GPR135: variants seen among roughly 807,000 people sequenced by gnomAD.
GPR135 encodes G-protein coupled receptor 135.
GPR135 carries 17 observed loss-of-function variants against 15.0 expected under a neutral mutation model. That is an observed-to-expected ratio of 1.13 (90% CI 0.78 to 1.70). The LOEUF is 1.70. GPR135 is among the 40% of genes most tolerant of loss of function. GPR135 has a pLI of 0.00. For missense variants in GPR135, 776 were observed against 727.0 expected (o/e 1.07, Z -0.78); for synonymous variants, 368 against 349.4 (o/e 1.05, Z -0.59).
At position 59,463,420 on chromosome 14, in the gene GPR135, GT is replaced by G. The variant is rs1166996170; in HGVS notation, c.*321del. On this transcript the variant is annotated 3_prime_UTR_variant, in exon 1 of 1. Coordinates refer to ENST00000395116, the MANE Select transcript of GPR135 (RefSeq NM_022571.6). ...TTGAACAATACTGGTTGCATTCAATGTTTTGTTTGTTTCACAGTGTGGTCCT... is the reference window on the plus strand; with the variant it reads ...TTGAACAATACTGGTTGCATTCAATGTTTGTTTGTTTCACAGTGTGGTCCT... 3.4e-6 allele frequency: 1 copy of G among 298,258 alleles called. No individual in the cohort carries two copies. Among genetic ancestry groups the G allele is most frequent in the East Asian group, 6.6e-5 (1 of 15,076 alleles). 18.5% of individuals were successfully genotyped at this position (298,258 alleles called of 1,614,324 possible).
At chr14:59,453,874 A>G (rs922344604) in intron 6 of GPR135, among the ~76,000 whole-genome samples, 1 of 152,240 alleles carries the variant, frequency 6.6e-6, no homozygotes, top group African/African-American at 2.4e-5. Context: ...TTTAAAATGT[A>G]AGATGGGGAA....
Position 59,462,392 on chromosome 14 carries a change from C to A in GPR135, c.*1350G>T, listed in dbSNP as rs1888895651. 1 of 152,202 alleles carries A rather than the reference C, an allele frequency of 6.6e-6. No individual in the cohort carries two copies. Among genetic ancestry groups the A allele is most frequent in the African/African-American group, 2.4e-5 (1 of 41,452 alleles). The allele number at this position is 152,202 out of a possible 1,614,324, so 9.4% of individuals were successfully genotyped here. A position where few individuals can be genotyped will look rare whatever the true frequency, so the allele number is the denominator to read the frequency against. ...CGCTTTTGAATTATTGTAAAACCAT[C>A]TTTTCTGCTAAGATAGAAATTTAAA... On this transcript the variant is annotated 3_prime_UTR_variant, in exon 1 of 1. Coordinates refer to ENST00000395116, the MANE Select transcript of GPR135 (RefSeq NM_022571.6).
chr14:59,465,337 T>A lies in GPR135; in HGVS notation c.-111A>T, dbSNP rs1282256824. On this transcript the variant is annotated 5_prime_UTR_variant, in exon 1 of 1. Coordinates refer to ENST00000395116, the MANE Select transcript of GPR135 (RefSeq NM_022571.6). Reference sequence around the variant, plus strand: ...TAGCGGCCGCCGCGGGGAGCTGGGCTCGGCCGGAGGGGTGGCGGTCGCTGG... The same window carrying A: ...TAGCGGCCGCCGCGGGGAGCTGGGCACGGCCGGAGGGGTGGCGGTCGCTGG... 1 of 819,834 alleles carries A rather than the reference T, an allele frequency of 1.2e-6. No individual in the cohort carries two copies. Among genetic ancestry groups the A allele is most frequent in the Non-Finnish European group, 1.6e-6 (1 of 617,900 alleles). 50.8% of individuals were successfully genotyped at this position (819,834 alleles called of 1,614,324 possible). A position where few individuals can be genotyped will look rare whatever the true frequency, so the allele number is the denominator to read the frequency against.
At position 59,462,099 on chromosome 14, in the gene GPR135, G is replaced by A. The variant is rs942439147; in HGVS notation, c.*1643C>T. 6.6e-6 allele frequency: 1 copy of A among 152,020 alleles called. No individual in the cohort carries two copies. Among genetic ancestry groups the A allele is most frequent in the Non-Finnish European group, 1.5e-5 (1 of 67,994 alleles). 9.4% of individuals were successfully genotyped at this position (152,020 alleles called of 1,614,324 possible). ...TTTCCACCTTTGATTACAAAATAAT[G>A]ACATGTACCCACCTGTCAAACAAAG... On this transcript the variant is annotated 3_prime_UTR_variant, in exon 1 of 1. Coordinates refer to ENST00000395116, the MANE Select transcript of GPR135 (RefSeq NM_022571.6).
chr14:59,465,074 C>A lies in GPR135; in HGVS notation c.153G>T (p.Ala51=), dbSNP rs1374566483. Residue 51 remains alanine, a synonymous_variant, in exon 1 of 1, where the codon GCG becomes GCT. Coordinates refer to ENST00000395116, the MANE Select transcript of GPR135 (RefSeq NM_022571.6). ...CGCTTGCGTCGCTCAGGTTCCCCAG[C>A]GCCGCGGTCGCCACGGTGCTGAAGG... The part of the protein sequence containing the change: ...VLSFSTVATA[A]LGNLSDASGG... 1.5e-5 allele frequency: 20 copies of A among 1,373,716 alleles called. No individual in the cohort carries two copies. The East Asian group carries it at 5.0e-4, about 34-fold the overall frequency. 85.1% of individuals were successfully genotyped at this position (1,373,716 alleles called of 1,614,324 possible). A position where few individuals can be genotyped will look rare whatever the true frequency, so the allele number is the denominator to read the frequency against.
In GPR135 at chr14:59,462,495, T is replaced by C. The variant is rs1888902572; in HGVS notation, c.*1247A>G. 6.6e-6 allele frequency: 1 copy of C among 152,242 alleles called. No individual in the cohort carries two copies. Among genetic ancestry groups the C allele is most frequent in the African/African-American group, 2.4e-5 (1 of 41,476 alleles). The allele number at this position is 152,242 out of a possible 1,614,324, so 9.4% of individuals were successfully genotyped here. A position where few individuals can be genotyped will look rare whatever the true frequency, so the allele number is the denominator to read the frequency against. ...CTTCTCCAACTTTATGCCTGTGTTT[T>C]AATACCGTTACATATAGTCCCACAC... On this transcript the variant is annotated 3_prime_UTR_variant, in exon 1 of 1. Coordinates refer to ENST00000395116, the MANE Select transcript of GPR135 (RefSeq NM_022571.6).
rs772656205 is a variant in GPR135 at position 59,464,518 on chromosome 14, C to G, written c.709G>C (p.Ala237Pro). 1 of 1,538,036 alleles carries G rather than the reference C, an allele frequency of 6.5e-7. No individual in the cohort carries two copies. The highest frequency in any genetic ancestry group is 1.4e-5 in the African/African-American group (1 of 72,252). The change falls in exon 1 of 1, where the codon GCC (alanine) becomes CCC (proline). Residue 237 changes from alanine to proline, a missense_variant. By Grantham distance (27) the Ala-to-Pro change is conservative (BLOSUM62 -1). Transcript: ENST00000395116. ...TCCCAGGGCAAGGAGAAGCCCAGGGCCGTCAGCCAGGCGCCCGCCAGCAGC... is the reference window on the plus strand; with the variant it reads ...TCCCAGGGCAAGGAGAAGCCCAGGGGCGTCAGCCAGGCGCCCGCCAGCAGC... ...LQLLAGAWLTALGFSLPWELL... is the reference protein window; with the variant it reads ...LQLLAGAWLTPLGFSLPWELL...
intron 6 of GPR135, among the ~76,000 whole-genome samples, chr14:59,453,017 C>T (rs1888541465): frequency 6.6e-6 from 1 of 152,132 alleles, no homozygotes; most frequent in Non-Finnish European, 1.5e-5. Flanking sequence ...ATATGACATT[C>T]TGGAAAAGGC....
chr14:59,459,587 T>C (rs187472018), downstream of GPR135, among the ~76,000 whole-genome samples: 203 of 152,392 alleles, frequency 1.3e-3, 1 homozygote, highest in Middle Eastern at 3.4e-3. Context: ...ACCTAGATGC[T>C]GTCATCTTAA....
rs1888852054 is a variant in GPR135, at chr14:59,461,387, T to C, written c.*2355A>G. 1 of 152,156 alleles carries C rather than the reference T, an allele frequency of 6.6e-6. No individual in the cohort carries two copies. Among genetic ancestry groups the C allele is most frequent in the Non-Finnish European group, 1.5e-5 (1 of 68,012 alleles). 9.4% of individuals were successfully genotyped at this position (152,156 alleles called of 1,614,324 possible). A position where few individuals can be genotyped will look rare whatever the true frequency, so the allele number is the denominator to read the frequency against. On this transcript the variant is annotated 3_prime_UTR_variant, in exon 1 of 1. Coordinates refer to ENST00000395116, the MANE Select transcript of GPR135 (RefSeq NM_022571.6). ...TAGCCTTGGATTAAAAACAAACAATTTAGAGCATTGTAAATTGTTCAGTAA... is the reference window on the plus strand; with the variant it reads ...TAGCCTTGGATTAAAAACAAACAATCTAGAGCATTGTAAATTGTTCAGTAA...
In GPR135 at chr14:59,464,347, A is replaced by G; in HGVS notation, c.880T>C (p.Cys294Arg). The part of the protein sequence containing the change: ...ACYLLPFLLM[C>R]FCHYHICKTV... ...TTGCAGATGTGGTAGTGGCAGAAGC[A>G]CATGAGCAGGAAGGGCAGCAGGTAG... The change falls in exon 1 of 1, where the codon TGC (cysteine) becomes CGC (arginine). Residue 294 changes from cysteine to arginine, a missense_variant. Physicochemically the swap from Cys to Arg is radical, Grantham distance 180 (BLOSUM62 -3). Coordinates refer to ENST00000395116, the MANE Select transcript of GPR135 (RefSeq NM_022571.6). 6.2e-7 allele frequency: 1 copy of G among 1,609,758 alleles called. No individual in the cohort carries two copies.
rs1341555231 is a variant in GPR135, at chr14:59,465,198, G to C, written c.29C>G (p.Pro10Arg). ...GCTGCCCAGTAAGGCCATGCTCGCT[G>C]GTGGGCGGGGCGGCTGCGGCTCCTC... Reference protein sequence around the residue: MEEPQPPRPPASMALLGSQH... With the variant: MEEPQPPRPRASMALLGSQH... Residue 10 changes from proline to arginine, a missense_variant, in exon 1 of 1, where the codon CCA becomes CGA. Coordinates refer to ENST00000395116, the MANE Select transcript of GPR135 (RefSeq NM_022571.6). 10 of 1,259,188 alleles carry C rather than the reference G, an allele frequency of 7.9e-6. No individual in the cohort carries two copies. The highest frequency in any genetic ancestry group is 1.0e-5 in the Non-Finnish European group (10 of 1,004,638). 78.0% of individuals were successfully genotyped at this position (1,259,188 alleles called of 1,614,324 possible).
chr14:59,456,367 A>T (rs748992245), downstream of GPR135: 20 of 152,224 alleles, frequency 1.3e-4, no homozygotes, highest in Non-Finnish European at 2.4e-4. Context: ...GATATGTTTT[A>T]TTCTGTCCTA....
At position 59,464,843 on chromosome 14, in the gene GPR135, A is replaced by G. The variant is rs776314186; in HGVS notation, c.384T>C (p.Ile128=). 9 of 1,601,442 alleles carry G rather than the reference A, an allele frequency of 5.6e-6. No individual in the cohort carries two copies. The South Asian group carries it at 1.0e-4, about 18-fold the overall frequency. ...SLGNCAVMGV[I]VKHRQLRTVT... ...CGGTGCGGAGCTGCCGGTGCTTCAC[A>G]ATCACCCCCATCACCGCGCAGTTGC... is the stretch of plus-strand genomic sequence containing the variant. Residue 128 remains isoleucine, a synonymous_variant, in exon 1 of 1, where the codon ATT becomes ATC. Coordinates refer to ENST00000395116, the MANE Select transcript of GPR135 (RefSeq NM_022571.6).
In GPR135 at chr14:59,465,264, C is replaced by T. The variant is rs141719647; in HGVS notation, c.-38G>A. Reference sequence around the variant, plus strand: ...CGGCCGCGGATCTCCTCATCCCGCACCGGGGGCGGCGGCCGCTAGGTCGGA... The same window carrying T: ...CGGCCGCGGATCTCCTCATCCCGCATCGGGGGCGGCGGCCGCTAGGTCGGA... On this transcript the variant is annotated 5_prime_UTR_variant, in exon 1 of 1. In the 5' UTR this introduces an upstream ATG that the reference lacks. Transcript: ENST00000395116. The T allele has an allele frequency of 0.047, 56,964 of 1,220,164 alleles. 1,727 individuals carry two copies. Among genetic ancestry groups the T allele is most frequent in the African/African-American group, 0.12 (7,348 of 63,800 alleles). 75.6% of individuals were successfully genotyped at this position (1,220,164 alleles called of 1,614,324 possible).
Position 59,465,357 on chromosome 14 carries a change from C to A in GPR135, c.-131G>T. ...TGGGCTCGGCCGGAGGGGTGGCGGT[C>A]GCTGGGGACCTGGCGGAGCCTTTGA... On this transcript the variant is annotated 5_prime_UTR_variant, in exon 1 of 1. Coordinates refer to ENST00000395116, the MANE Select transcript of GPR135 (RefSeq NM_022571.6). 1 of 604,652 alleles carries A rather than the reference C, an allele frequency of 1.7e-6. No homozygotes were observed. The highest frequency in any genetic ancestry group is 2.4e-6 in the Non-Finnish European group (1 of 420,958). 37.5% of individuals were successfully genotyped at this position (604,652 alleles called of 1,614,324 possible).
Position 59,461,551 on chromosome 14 carries a change from T to C in GPR135, c.*2191A>G, listed in dbSNP as rs889558290. 6 of 152,308 alleles carry C rather than the reference T, an allele frequency of 3.9e-5. No individual in the cohort carries two copies. Among genetic ancestry groups the C allele is most frequent in the Non-Finnish European group, 7.3e-5 (5 of 68,030 alleles). 9.4% of individuals were successfully genotyped at this position (152,308 alleles called of 1,614,324 possible). On this transcript the variant is annotated 3_prime_UTR_variant, in exon 1 of 1. Transcript: ENST00000395116. ...CGAAAAGGTAGGGCTGGAATTCCTTTTCTTCCTTAAAGTCCTTCATGCCAT... is the reference window on the plus strand; with the variant it reads ...CGAAAAGGTAGGGCTGGAATTCCTTCTCTTCCTTAAAGTCCTTCATGCCAT...
Position 59,465,103 on chromosome 14 carries a change from G to A in GPR135, c.124C>T (p.Leu42Phe). 7.2e-7 allele frequency: 1 copy of A among 1,383,868 alleles called. No homozygotes were observed. The highest frequency in any genetic ancestry group is 9.4e-7 in the Non-Finnish European group (1 of 1,068,230). The allele number at this position is 1,383,868 out of a possible 1,614,324, so 85.7% of individuals were successfully genotyped here. Residue 42 changes from leucine (L) to phenylalanine (F), a missense_variant, in exon 1 of 1, where the codon CTC becomes TTC. Leu to Phe is a conservative substitution (Grantham distance 22). Coordinates refer to ENST00000395116, the MANE Select transcript of GPR135 (RefSeq NM_022571.6). Reference sequence around the variant, plus strand: ...GCGGTCGCCACGGTGCTGAAGGAGAGCACGGCCGCCGTGGCCGCGGAGGAA... The same window carrying A: ...GCGGTCGCCACGGTGCTGAAGGAGAACACGGCCGCCGTGGCCGCGGAGGAA... ...GTSSAATAAV[L>F]SFSTVATAAL...
At chr14:59,457,858 CG>C (rs1259203569), downstream of GPR135, among the ~76,000 whole-genome samples, 1 of 152,046 alleles carries the variant, frequency 6.6e-6, no homozygotes, top group African/African-American at 2.4e-5. Context: ...TTCCTGGGTA[CG>C]GTTCATATTT....
Sources: allele counts gnomAD v4.1 joint callset (sites outside exome capture counted in the v4.1 genomes callset), GRCh38; gene constraint gnomAD v4.1.1; transcripts MANE v1.5; gene names NCBI Gene and HGNC (gene_info 2026-07-23, HGNC 2026-07-21).